The following CKAP2 variants were observed in gnomAD, a reference collection of about 807,000 sequenced individuals.
The protein encoded by CKAP2 is cytoskeleton associated protein 2.
CKAP2 carries 46 observed loss-of-function variants against 58.4 expected under a neutral mutation model. The observed-to-expected ratio is 0.79, with a 90% confidence interval of 0.62 to 1.01. CKAP2 has a LOEUF of 1.01. Ranked by LOEUF, CKAP2 falls within the 50% of genes least tolerant of loss-of-function variation. CKAP2 has a pLI of 0.00. For missense variants in CKAP2, 809 were observed against 796.4 expected, an observed-to-expected ratio of 1.02 and a Z score of -0.19; for synonymous variants, 293 against 280.9, an observed-to-expected ratio of 1.04 and a Z score of -0.43.
intron 2 of CKAP2, among the ~76,000 whole-genome samples, chr13:52,459,132 A>G (rs1958531743): frequency 6.6e-6 from 1 of 152,134 alleles, no homozygotes; most frequent in Non-Finnish European, 1.5e-5. Flanking sequence ...GCTGGCAGTT[A>G]GCTACTAAGA....
chr13:52,473,867 G>C lies in CKAP2; in HGVS notation c.1585G>C (p.Val529Leu). The change falls in exon 8 of 9, where the codon GTC becomes CTC. Residue 529 changes from valine (V) to leucine (L), a missense_variant. By Grantham distance (32) the Val-to-Leu change is conservative. Transcript: ENST00000258607. ...MEKSCASKEE[V>L]KEVSIEDTGV... ...GAAGTCTTGTGCAAGCAAGGAAGAA[G>C]TCAAAGAAGTCAGTATTGAAGATAC... 5.0e-6 allele frequency: 8 copies of C among 1,612,928 alleles called. No homozygotes were observed. Among genetic ancestry groups the C allele is most frequent in the Non-Finnish European group, 6.8e-6 (8 of 1,179,496 alleles).
At position 52,455,655 on chromosome 13, in the gene CKAP2, C is replaced by T. The variant is rs757656417; in HGVS notation, c.70+29C>T. 17 of 1,403,680 alleles carry T rather than the reference C, an allele frequency of 1.2e-5. No homozygotes were observed. The African/African-American group carries it at 1.9e-4, about 16-fold the overall frequency. The allele number at this position is 1,403,680 out of a possible 1,614,324, so 87.0% of individuals were successfully genotyped here. A position where few individuals can be genotyped will look rare whatever the true frequency, so the allele number is the denominator to read the frequency against. ...AAGGCCGCGGTGGCGGTGGCGGTGG[C>T]GGTGGCGGTGGCGGTGGCGGGCGCG... On this transcript the variant is annotated intron_variant, in intron 1 of 8. Transcript: ENST00000258607.
intron 7 of CKAP2, among the ~76,000 whole-genome samples, chr13:52,469,148 T>G (rs1348121008): frequency 6.6e-6 from 1 of 152,254 alleles, no homozygotes; most frequent in Non-Finnish European, 1.5e-5. Context: ...CTTTTATCTT[T>G]TTAAATTTTT....
intron 1 of CKAP2, chr13:52,456,319 G>A: frequency 1.5e-6 from 1 of 685,090 alleles, no homozygotes; most frequent in Non-Finnish European, 2.1e-6. Flanking sequence ...ATGCAGAGGG[G>A]TTTTGGGGAC....
At chr13:52,467,915 T>C (rs1486755094) in intron 6 of CKAP2, among the ~76,000 whole-genome samples, 1 of 151,366 alleles carries the variant, frequency 6.6e-6, no homozygotes, top group Non-Finnish European at 1.5e-5. Flanking sequence ...GTTCACGCCA[T>C]TCTCCTGCCT....
rs895198177 is a variant in CKAP2 at position 52,457,849 on chromosome 13, G to A, written c.155+1242G>A. Among the ~76,000 whole-genome samples the A allele has an allele frequency of 5.1e-5, 6 of 117,508 alleles. No individual in the cohort carries two copies. In the South Asian group the frequency reaches 1.6e-3, roughly 32 times the overall value. The allele number at this position is 117,508 out of a possible 152,430, so 77.1% of individuals were successfully genotyped here. A position where few individuals can be genotyped will look rare whatever the true frequency, so the allele number is the denominator to read the frequency against. Reference sequence around the variant, plus strand: ...AGCCTGGGTGACAGAGCGAGACTCCGTCTCAAAAAAAAAAAAAATTGTCTC... The same window carrying A: ...AGCCTGGGTGACAGAGCGAGACTCCATCTCAAAAAAAAAAAAAATTGTCTC... On this transcript the variant is annotated intron_variant, in intron 2 of 8. Coordinates refer to ENST00000258607, the MANE Select transcript of CKAP2 (RefSeq NM_018204.5).
chr13:52,465,222 T>G, intron 5 of CKAP2, 73 bp from the exon 6 acceptor site: 1 of 1,274,340 alleles, frequency 7.8e-7, no homozygotes, highest in Non-Finnish European at 1.1e-6. Flanking sequence ...TGATCTTGAC[T>G]ATAGTAGGCT....
intron 5 of CKAP2, among the ~76,000 whole-genome samples, chr13:52,463,486 GAC>G (rs918907062): frequency 8.1e-4 from 123 of 151,960 alleles, no homozygotes; most frequent in African/African-American, 2.9e-3. Flanking sequence ...TTTAAAAAAA[GAC>G]ACATTAATAC....
At chr13:52,472,784 C>T (rs1193468916) in intron 7 of CKAP2, among the ~76,000 whole-genome samples, 4 of 152,228 alleles carry the variant, frequency 2.6e-5, no homozygotes, top group South Asian at 2.1e-4. Flanking sequence ...TGGTGGCTCA[C>T]GCCTATAATC....
Position 52,461,806 on chromosome 13 carries a change from C to T in CKAP2, c.980C>T (p.Ser327Leu). 1 of 1,614,076 alleles carries T rather than the reference C, an allele frequency of 6.2e-7. No individual in the cohort carries two copies. Among genetic ancestry groups the T allele is most frequent in the Admixed American group, 1.7e-5 (1 of 60,020 alleles). ...IASEVIARPASLSNDKLMEKS... is the reference protein window; with the variant it reads ...IASEVIARPALLSNDKLMEKS... ...TCTGAAGTTATAGCCAGGCCTGCTT[C>T]ATTGTCTAATGATAAACTGATGGAA... The change falls in exon 4 of 9, where the codon TCA becomes TTA. Residue 327 changes from serine (S) to leucine (L), a missense_variant. Ser to Leu is a moderately radical substitution (Grantham distance 145). Coordinates refer to ENST00000258607, the MANE Select transcript of CKAP2 (RefSeq NM_018204.5).
intron 2 of CKAP2, among the ~76,000 whole-genome samples, chr13:52,459,868 C>T (rs968617745): frequency 3.3e-5 from 5 of 151,962 alleles, no homozygotes; most frequent in African/African-American, 4.8e-5. Context: ...TAGAAACTAA[C>T]GTTCTTTTTT....
chr13:52,466,526 C>G (rs974346473), intron 6 of CKAP2, among the ~76,000 whole-genome samples: 6 of 152,106 alleles, frequency 3.9e-5, no homozygotes, highest in Non-Finnish European at 7.4e-5. Flanking sequence ...GTGTTAGGCC[C>G]CTACTACATT....
chr13:52,465,922 T>TATATATACACAC (rs1555259570), intron 6 of CKAP2: 9 of 324,502 alleles, frequency 2.8e-5, no homozygotes, highest in South Asian at 8.0e-5. Flanking sequence ...TATACACACA[T>TATATATACACAC]ATATATACAC....
chr13:52,472,825 G>A (rs1285455501), intron 7 of CKAP2, among the ~76,000 whole-genome samples: 5 of 152,102 alleles, frequency 3.3e-5, no homozygotes, highest in East Asian at 3.9e-4. Flanking sequence ...TGGAAGAATC[G>A]CTTGAGGTCT....
Position 52,462,439 on chromosome 13 carries a change from G to A in CKAP2, c.1177G>A (p.Glu393Lys), listed in dbSNP as rs776949710. 7 of 1,614,090 alleles carry A rather than the reference G, an allele frequency of 4.3e-6. No homozygotes were observed. Among genetic ancestry groups the A allele is most frequent in the Non-Finnish European group, 5.9e-6 (7 of 1,179,986 alleles). ...CCCTAATTCAGTAGTTACTCAGCAT[G>A]AGCCTGCAGGACAAAATGAAAAACC... ...RPPNSVVTQH[E>K]PAGQNEKPVG... The change falls in exon 5 of 9, where the codon GAG (glutamate) becomes AAG (lysine). Residue 393 changes from glutamate to lysine, a missense_variant. Glu to Lys is a moderately conservative substitution (Grantham distance 56). Around this residue, in one of 3 missense-constraint regions of CKAP2, gnomAD observed 523 missense variants for 492.4 expected, o/e 1.06. Transcript: ENST00000258607.
chr13:52,459,624 C>T (rs891187245), intron 2 of CKAP2, among the ~76,000 whole-genome samples: 1 of 151,644 alleles, frequency 6.6e-6, no homozygotes, highest in Non-Finnish European at 1.5e-5. Flanking sequence ...TTCCTGGCCT[C>T]ATTTTTTTTT....
chr13:52,465,176 A>AT, intron 5 of CKAP2, 119 bp from the exon 6 acceptor site: 2 of 778,462 alleles, frequency 2.6e-6, no homozygotes, highest in Non-Finnish European at 4.1e-6. Flanking sequence ...CTAATGTTTC[A>AT]TTTTTTTGCT....
intron 5 of CKAP2, 145 bp from the exon 6 acceptor site, chr13:52,465,150 C>G (rs1958645570): frequency 1.6e-6 from 1 of 619,080 alleles, no homozygotes; most frequent in South Asian, 2.5e-5. Context: ...TCATTTTTTA[C>G]TAATAAATTT....
intron 7 of CKAP2, among the ~76,000 whole-genome samples, chr13:52,471,698 T>C (rs1958763209): frequency 6.6e-6 from 1 of 152,168 alleles, no homozygotes; most frequent in Non-Finnish European, 1.5e-5. Context: ...GTTTACTCCT[T>C]CTTTCTTTCC....
Sources: allele counts gnomAD v4.1 joint callset (sites outside exome capture counted in the v4.1 genomes callset), GRCh38; gene constraint gnomAD v4.1.1; regional missense constraint gnomAD v4.1.1; transcripts MANE v1.5; gene names NCBI Gene and HGNC (gene_info 2026-07-23, HGNC 2026-07-21).